Variants in EYA4 observed in about 807,000 individuals in gnomAD.
EYA4 encodes the protein protein phosphatase EYA4.
In EYA4, 31 loss-of-function variants were observed where a neutral mutation model predicts 87.9. The observed-to-expected ratio is 0.35, with a 90% CI of 0.27 to 0.48. EYA4 has a LOEUF of 0.48. Ranked by LOEUF, EYA4 falls within the 20% of genes least tolerant of loss-of-function variation. The pLI is 0.99. For synonymous variants in EYA4, 263 were observed against 270.6 expected, an observed-to-expected ratio of 0.97 and a Z score of 0.28; for missense variants, 678 against 761.4, an observed-to-expected ratio of 0.89 and a Z score of 1.29.
At position 133,277,747 on chromosome 6, in the gene EYA4, C is replaced by T. The variant is rs527326932; in HGVS notation, c.33+2934C>T. 2.4e-4 allele frequency among the ~76,000 whole-genome samples: 37 copies of T among 152,246 alleles called. 1 individual carries two copies. The South Asian group carries it at 7.3e-3, about 30-fold the overall frequency. ...AGCTTTTCTTCCTTTGTCCTTTATG[C>T]CAGTATTACTCATCTCAGTGAATGG... On this transcript the variant is annotated intron_variant, in intron 2 of 19. Coordinates refer to ENST00000355286, the MANE Select transcript of EYA4 (RefSeq NM_004100.5).
chr6:133,279,916 TTTGA>T (rs898453655), intron 2 of EYA4, among the ~76,000 whole-genome samples: 15 of 152,172 alleles, frequency 9.9e-5, no homozygotes, highest in African/African-American at 3.1e-4. Context: ...ATATAATTAT[TTTGA>T]TTAATTTTTG....
At position 133,419,324 on chromosome 6, in the gene EYA4, GC is replaced by G. The variant is rs1237168812; in HGVS notation, c.84-27305del. Among the ~76,000 whole-genome samples the G allele has an allele frequency of 2.6e-5, 4 of 152,246 alleles. No individual in the cohort carries two copies. In the East Asian group the frequency reaches 7.7e-4, roughly 29 times the overall value. Reference sequence around the variant, plus strand: ...TTTGCATGTGGAATAATTTCCCTTTGCAAGTCAATTGTGATTTATTAAATTT... The same window carrying G: ...TTTGCATGTGGAATAATTTCCCTTTGAAGTCAATTGTGATTTATTAAATTT... On this transcript the variant is annotated intron_variant, in intron 3 of 19. Coordinates refer to ENST00000355286, the MANE Select transcript of EYA4 (RefSeq NM_004100.5).
chr6:133,515,028 T>C (rs1799466013), intron 16 of EYA4, among the ~76,000 whole-genome samples: 6 of 152,188 alleles, frequency 3.9e-5, no homozygotes, highest in Admixed American at 1.3e-4. Context: ...TTCAAAGCTC[T>C]TTAGATGATT....
Position 133,264,039 on chromosome 6 carries a change from G to A in EYA4, c.-65-10677G>A, listed in dbSNP as rs373250803. Among the ~76,000 whole-genome samples, 5 of 152,250 alleles carry A rather than the reference G, an allele frequency of 3.3e-5. No individual in the cohort carries two copies. The South Asian group carries it at 1.0e-3, about 32-fold the overall frequency. On this transcript the variant is annotated intron_variant, in intron 1 of 19. Transcript: ENST00000355286. ...TTCCCTTGTTTTCCTTTTCACTGCAGCAAGAGGCAAGTATAGCCCTCAGCC... is the reference window on the plus strand; with the variant it reads ...TTCCCTTGTTTTCCTTTTCACTGCAACAAGAGGCAAGTATAGCCCTCAGCC...
chr6:133,323,945 T>C (rs1351113244), intron 2 of EYA4, among the ~76,000 whole-genome samples: 1 of 152,142 alleles, frequency 6.6e-6, no homozygotes, highest in Non-Finnish European at 1.5e-5. Flanking sequence ...GTCACTCTTA[T>C]TTCTCACACA....
At chr6:133,285,287 G>A (rs753422858) in intron 2 of EYA4, among the ~76,000 whole-genome samples, 5 of 152,118 alleles carry the variant, frequency 3.3e-5, no homozygotes, top group Non-Finnish European at 7.4e-5. Context: ...AGTTAGGGAG[G>A]CCTCACTGAG....
At position 133,512,860 on chromosome 6, in the gene EYA4, G is replaced by A. The variant is rs763846902; in HGVS notation, c.1341-18G>A. On this transcript the variant is annotated intron_variant, in intron 15 of 19. Transcript: ENST00000355286. ...GCACATGTAATTATTTCTTTTTAAT[G>A]TATTTTGGGTGTTACAGTACCTACA... The A allele has an allele frequency of 9.3e-6, 15 of 1,613,716 alleles. No homozygotes were observed. The East Asian group carries it at 2.9e-4, about 31-fold the overall frequency.
intron 3 of EYA4, among the ~76,000 whole-genome samples, chr6:133,422,982 C>T (rs1254227993): frequency 2.0e-5 from 3 of 152,150 alleles, no homozygotes; most frequent in Non-Finnish European, 4.4e-5. Context: ...GACTGCTTCC[C>T]ATCCCAAAGG....
At chr6:133,386,993 G>T (rs1166954678) in intron 3 of EYA4, among the ~76,000 whole-genome samples, 1 of 152,148 alleles carries the variant, frequency 6.6e-6, no homozygotes, top group Non-Finnish European at 1.5e-5. Context: ...GTGTCTTCTT[G>T]CCCTAGTCTT....
At chr6:133,445,331 T>C (rs1424882873) in intron 3 of EYA4, among the ~76,000 whole-genome samples, 1 of 152,276 alleles carries the variant, frequency 6.6e-6, no homozygotes, top group East Asian at 1.9e-4. Flanking sequence ...AAATAAAAGA[T>C]AATCTTTTAT....
chr6:133,350,853 T>C (rs1783587752), intron 2 of EYA4, among the ~76,000 whole-genome samples: 4 of 152,148 alleles, frequency 2.6e-5, no homozygotes, highest in Admixed American at 2.6e-4. Flanking sequence ...TTTCATTTCT[T>C]TTTTTGTTAT....
At chr6:133,483,953 A>C (rs1010429744) in intron 13 of EYA4, among the ~76,000 whole-genome samples, 4 of 151,930 alleles carry the variant, frequency 2.6e-5, no homozygotes, top group Non-Finnish European at 5.9e-5. Context: ...CGAACTCCTG[A>C]CCTCAAGTGA....
In EYA4 at chr6:133,528,739, C is replaced by T. The variant is rs1246134166; in HGVS notation, c.1854C>T (p.Phe618=). ...TAACCACACAGCACAACATGCCCTT[C>T]TGGAGGATATCCAGTCACTCAGACC... ...EQAAKKHNMP[F]WRISSHSDLL... Residue 618 remains phenylalanine, a synonymous_variant, in exon 20 of 20, where the codon TTC becomes TTT. Coordinates refer to ENST00000355286, the MANE Select transcript of EYA4 (RefSeq NM_004100.5). 6.2e-7 allele frequency: 1 copy of T among 1,613,160 alleles called. No homozygotes were observed. Among genetic ancestry groups the T allele is most frequent in the South Asian group, 1.1e-5 (1 of 91,070 alleles).
chr6:133,392,071 G>A (rs1421100789), intron 3 of EYA4, among the ~76,000 whole-genome samples: 2 of 152,170 alleles, frequency 1.3e-5, no homozygotes, highest in African/African-American at 2.4e-5. Context: ...AGACCTTTAA[G>A]TGGAGTGGCA....
chr6:133,242,122 G>T (rs1256717067), intron 1 of EYA4, among the ~76,000 whole-genome samples: 1 of 152,246 alleles, frequency 6.6e-6, no homozygotes, highest in Non-Finnish European at 1.5e-5. Flanking sequence ...CCTCCACCTG[G>T]CAGAGGCGCG....
At chr6:133,364,296 T>C (rs982177664) in intron 2 of EYA4, among the ~76,000 whole-genome samples, 1 of 152,166 alleles carries the variant, frequency 6.6e-6, no homozygotes, top group African/African-American at 2.4e-5. Flanking sequence ...GTGGAAATGG[T>C]TGGGCTGTCA....
At chr6:133,248,494 G>A (rs1774605667) in intron 1 of EYA4, 1 of 152,152 alleles carries the variant, frequency 6.6e-6, no homozygotes, top group African/African-American at 2.4e-5. Context: ...CCAACGGAGT[G>A]ATCTATTCAT....
At chr6:133,398,358 G>A (rs1055890333) in intron 3 of EYA4, among the ~76,000 whole-genome samples, 2 of 152,122 alleles carry the variant, frequency 1.3e-5, no homozygotes, top group Non-Finnish European at 2.9e-5. Flanking sequence ...TCTTATGGGG[G>A]AAAGAATTTT....
intron 2 of EYA4, among the ~76,000 whole-genome samples, chr6:133,294,201 A>G (rs1289579436): frequency 6.7e-6 from 1 of 150,308 alleles, no homozygotes; most frequent in Non-Finnish European, 1.5e-5. Flanking sequence ...CAAACTATTC[A>G]CAGGTAGGCT....
Sources: allele counts gnomAD v4.1 joint callset (sites outside exome capture counted in the v4.1 genomes callset), GRCh38; gene constraint gnomAD v4.1.1; transcripts MANE v1.5; gene names NCBI Gene and HGNC (gene_info 2026-07-23, HGNC 2026-07-21).